The following SLC2A13 variants were observed in gnomAD, a reference collection of about 807,000 sequenced individuals.
The protein encoded by SLC2A13 is proton myo-inositol cotransporter.
Under a neutral mutation model 64.4 loss-of-function variants are expected in SLC2A13, and 32 were observed. The ratio of observed to expected loss-of-function variants is 0.50; its 90% confidence interval spans 0.37 to 0.67. SLC2A13 has a LOEUF of 0.67. SLC2A13 is among the 30% of genes least tolerant of loss of function. SLC2A13 has a pLI of 0.00. For missense variants in SLC2A13, 743 were observed against 829.2 expected, an observed-to-expected ratio of 0.90 and a Z score of 1.28; for synonymous variants, 338 against 327.1, an observed-to-expected ratio of 1.03 and a Z score of -0.36.
chr12:39,781,579 C>G lies in SLC2A13; in HGVS notation c.1446-16721G>C, dbSNP rs373391191. ...CACAGTTTTGAAGTTTCCTTATTTT[C>G]AAAGCGATTTTATGTAAGGAGAGAA... On this transcript the variant is annotated intron_variant, in intron 7 of 9. Transcript: ENST00000280871. 6.4e-4 allele frequency among the ~76,000 whole-genome samples: 97 copies of G among 152,322 alleles called. No homozygotes were observed. In the South Asian group the frequency reaches 0.018, roughly 28 times the overall value.
At chr12:39,898,672 C>A (rs1944994863) in intron 4 of SLC2A13, among the ~76,000 whole-genome samples, 1 of 152,098 alleles carries the variant, frequency 6.6e-6, no homozygotes, top group African/African-American at 2.4e-5. Flanking sequence ...GCATTGAGAC[C>A]TTATGAGAAA....
At chr12:39,949,516 A>G (rs1235427814) in intron 4 of SLC2A13, 1 of 152,200 alleles carries the variant, frequency 6.6e-6, no homozygotes, top group East Asian at 1.9e-4. Context: ...TTTTATTAAA[A>G]TTTGACAGCA....
At chr12:39,848,956 G>A (rs909759645) in intron 6 of SLC2A13, among the ~76,000 whole-genome samples, 1 of 152,124 alleles carries the variant, frequency 6.6e-6, no homozygotes, top group African/African-American at 2.4e-5. Context: ...TCACTTATAA[G>A]TGGGAGCTAA....
At chr12:39,804,260 T>C (rs192443471) in intron 7 of SLC2A13, among the ~76,000 whole-genome samples, 7 of 152,154 alleles carry the variant, frequency 4.6e-5, no homozygotes, top group Admixed American at 4.6e-4. Context: ...TACAACAAAT[T>C]TGAAGGCAAA....
intron 1 of SLC2A13, among the ~76,000 whole-genome samples, chr12:40,054,038 GTC>G (rs931237428): frequency 2.0e-5 from 3 of 152,114 alleles, no homozygotes; most frequent in African/African-American, 7.2e-5. Context: ...TAACTTTAGA[GTC>G]TGTTTCAAAT....
chr12:39,776,217 G>C (rs1036894905), intron 7 of SLC2A13, among the ~76,000 whole-genome samples: 1 of 152,094 alleles, frequency 6.6e-6, no homozygotes, highest in South Asian at 2.1e-4. Flanking sequence ...CCATTGTGCG[G>C]TTCCTTCATA....
chr12:39,969,134 C>A (rs373849460), intron 3 of SLC2A13, among the ~76,000 whole-genome samples: 3 of 152,038 alleles, frequency 2.0e-5, no homozygotes, highest in Admixed American at 6.6e-5. Flanking sequence ...TGAACTCATC[C>A]TTTTTTATGG....
chr12:39,912,469 C>T (rs1227719554), intron 4 of SLC2A13, among the ~76,000 whole-genome samples: 5 of 151,980 alleles, frequency 3.3e-5, no homozygotes, highest in South Asian at 2.1e-4. Flanking sequence ...ACAAACACTA[C>T]AACTACAGCC....
intron 7 of SLC2A13, among the ~76,000 whole-genome samples, chr12:39,766,014 A>G (rs555824551): frequency 6.6e-6 from 1 of 152,202 alleles, no homozygotes; most frequent in East Asian, 1.9e-4. Context: ...CATTGGCCTC[A>G]TAGTTCCTTA....
chr12:40,100,476 TTG>T (rs1270842152), intron 1 of SLC2A13, among the ~76,000 whole-genome samples: 1 of 152,218 alleles, frequency 6.6e-6, no homozygotes, highest in Non-Finnish European at 1.5e-5. Context: ...CTCTTGTACT[TTG>T]TGTTTTCTAG....
chr12:39,777,441 C>G (rs1940815035), intron 7 of SLC2A13, among the ~76,000 whole-genome samples: 1 of 152,278 alleles, frequency 6.6e-6, no homozygotes, highest in Non-Finnish European at 1.5e-5. Context: ...AGCATGGTCC[C>G]TTTAAATGAT....
rs1946094830 is a variant in SLC2A13 at position 39,944,191 on chromosome 12, A to G, written c.1034+7066T>C. On this transcript the variant is annotated intron_variant, in intron 4 of 9. Coordinates refer to ENST00000280871, the MANE Select transcript of SLC2A13 (RefSeq NM_052885.4). ...TGGAGTTGATTTCCAGTTTTATTCC[A>G]CTGTGATTTGAAAGAGTGCTTAATA... 2.6e-5 allele frequency among the ~76,000 whole-genome samples: 4 copies of G among 152,308 alleles called. No homozygotes were observed. In the South Asian group the frequency reaches 8.3e-4, roughly 32 times the overall value.
intron 6 of SLC2A13, among the ~76,000 whole-genome samples, chr12:39,834,479 T>C (rs781308965): frequency 6.6e-6 from 1 of 152,054 alleles, no homozygotes; most frequent in African/African-American, 2.4e-5. Flanking sequence ...CCCTTTATCC[T>C]TTCAAATCTC....
At chr12:39,954,988 A>C (rs1344900466) in intron 3 of SLC2A13, among the ~76,000 whole-genome samples, 2 of 152,228 alleles carry the variant, frequency 1.3e-5, no homozygotes, top group Admixed American at 1.3e-4. Context: ...GAAGACTCCA[A>C]GAACACTATC....
intron 3 of SLC2A13, among the ~76,000 whole-genome samples, chr12:39,995,002 A>G (rs1358811604): frequency 1.3e-5 from 2 of 152,238 alleles, no homozygotes; most frequent in Admixed American, 6.5e-5. Context: ...TTCTTCCCCA[A>G]AATTCATACA....
rs1939952209 is a variant in SLC2A13 at position 39,755,615 on chromosome 12, C to T, written c.*4411G>A. The T allele has an allele frequency of 6.6e-6, 1 of 151,934 alleles. No homozygotes were observed. Among genetic ancestry groups the T allele is most frequent in the African/African-American group, 2.4e-5 (1 of 41,404 alleles). 9.4% of individuals were successfully genotyped at this position (151,934 alleles called of 1,614,324 possible). On this transcript the variant is annotated 3_prime_UTR_variant, in exon 10 of 10. Transcript: ENST00000280871. ...AATGTTGTTTGCTAAAACTTTAAAA[C>T]TTTACAAAATGTTGGTTACTCATTA...
At chr12:40,058,086 T>TAGATAGAC (rs1224359123) in intron 1 of SLC2A13, among the ~76,000 whole-genome samples, 70 of 151,162 alleles carry the variant, frequency 4.6e-4, no homozygotes, top group Non-Finnish European at 6.5e-4. Context: ...GATAGATAGA[T>TAGATAGAC]AGATTGATTT....
intron 3 of SLC2A13, among the ~76,000 whole-genome samples, chr12:39,999,043 T>C (rs979638446): frequency 1.8e-4 from 27 of 152,204 alleles, no homozygotes; most frequent in Non-Finnish European, 3.7e-4. Context: ...GAAGATTTCA[T>C]GGACACTTAC....
At position 39,838,451 on chromosome 12, in the gene SLC2A13, C is replaced by A. The variant is rs540585067; in HGVS notation, c.1320-8223G>T. Among the ~76,000 whole-genome samples, 158 of 147,240 alleles carry A rather than the reference C, an allele frequency of 1.1e-3. 1 individual carries two copies. Among genetic ancestry groups the A allele is most frequent in the African/African-American group, 3.6e-3 (144 of 39,676 alleles). ...GCACATGTATACATATGTAACTAAC[C>A]TGCACAATGTGCACATGTACCCTAA... On this transcript the variant is annotated intron_variant, in intron 6 of 9. Coordinates refer to ENST00000280871, the MANE Select transcript of SLC2A13 (RefSeq NM_052885.4).
Sources: allele counts gnomAD v4.1 joint callset (sites outside exome capture counted in the v4.1 genomes callset), GRCh38; gene constraint gnomAD v4.1.1; transcripts MANE v1.5; gene names NCBI Gene and HGNC (gene_info 2026-07-23, HGNC 2026-07-21).